Variants in RIMS2 observed in about 807,000 individuals in gnomAD.
RIMS2 encodes the protein regulating synaptic membrane exocytosis protein 2.
Under a neutral mutation model 174.4 loss-of-function variants are expected in RIMS2, and 59 were observed. That is an observed-to-expected ratio of 0.34 (90% CI 0.27 to 0.42). The LOEUF (loss-of-function observed/expected upper bound fraction) is 0.42. Among genes scored for constraint, RIMS2 ranks in the 10% least tolerant of loss-of-function variants. The probability of loss-of-function intolerance (pLI) is 1.00; values close to 1 mark genes in which losing one functional copy is unlikely to be tolerated. For synonymous variants in RIMS2, 606 were observed against 572.5 expected (o/e 1.06, Z -0.84); for missense variants, 1,620 against 1,666.3 (o/e 0.97, Z 0.48).
intron 1 of RIMS2, among the ~76,000 whole-genome samples, chr8:103,627,532 T>A (rs930253953): frequency 6.6e-6 from 1 of 152,202 alleles, no homozygotes; most frequent in African/African-American, 2.4e-5. Context: ...TCTTCACAAT[T>A]TATGTTCAGA....
At chr8:103,639,844 A>G (rs1042559138) in intron 1 of RIMS2, among the ~76,000 whole-genome samples, 1 of 151,950 alleles carries the variant, frequency 6.6e-6, no homozygotes, top group Admixed American at 6.6e-5. Context: ...CTTTTAATAT[A>G]AACTTTGAGT....
At chr8:104,248,891 TTC>T (rs368851079) in intron 21 of RIMS2, 78 bp downstream of exon 27, 34,667 of 554,296 alleles carry the variant, frequency 0.063, 3 homozygotes, top group South Asian at 0.091. Context: ...TCATAGAATC[TTC>T]TCTCTCTCTC....
intron 2 of RIMS2, among the ~76,000 whole-genome samples, chr8:103,701,946 C>T (rs929245815): frequency 1.3e-5 from 2 of 151,988 alleles, no homozygotes; most frequent in South Asian, 2.1e-4. Context: ...TGGGTACATA[C>T]GTGGTAGTGG....
intron 3 of RIMS2, among the ~76,000 whole-genome samples, chr8:103,797,196 AC>A (rs1390334081): frequency 1.3e-5 from 2 of 152,182 alleles, no homozygotes; most frequent in African/African-American, 4.8e-5. Flanking sequence ...TCAAAGCCTA[AC>A]TCAAGTATTC....
intron 16 of RIMS2, chr8:103,976,561 T>C (rs2093455623): frequency 6.7e-6 from 1 of 149,020 alleles, no homozygotes; most frequent in Non-Finnish European, 1.5e-5. Flanking sequence ...TTTTTTTTTT[T>C]TTTTTGAGAC....
chr8:104,234,038 T>C (rs1420024342), intron 19 of RIMS2, among the ~76,000 whole-genome samples: 1 of 152,196 alleles, frequency 6.6e-6, no homozygotes, highest in African/African-American at 2.4e-5. Context: ...TCTGGAGATT[T>C]ATGATAATTT....
intron 19 of RIMS2, among the ~76,000 whole-genome samples, chr8:104,188,460 T>C (rs2098981083): frequency 6.6e-6 from 1 of 151,866 alleles, no homozygotes; most frequent in South Asian, 2.1e-4. Context: ...GTATCCATTA[T>C]ATGCTAGGCT....
At chr8:103,986,518 A>C (rs951980155) in intron 16 of RIMS2, among the ~76,000 whole-genome samples, 1 of 152,240 alleles carries the variant, frequency 6.6e-6, no homozygotes, top group Non-Finnish European at 1.5e-5. Context: ...AAACAACTAC[A>C]GATAAGAAAA....
intron 2 of RIMS2, among the ~76,000 whole-genome samples, chr8:103,707,324 T>G (rs1292337052): frequency 6.6e-6 from 1 of 152,218 alleles, no homozygotes; most frequent in East Asian, 1.9e-4. Flanking sequence ...ATGTTCTTGA[T>G]GCTTGTGTAT....
intron 3 of RIMS2, among the ~76,000 whole-genome samples, chr8:103,780,754 C>T (rs1453769050): frequency 6.6e-6 from 1 of 151,832 alleles, no homozygotes; most frequent in Non-Finnish European, 1.5e-5. Flanking sequence ...CTTGGTTTGT[C>T]CATTTGGAGA....
chr8:103,937,166 G>T (rs576951849), intron 13 of RIMS2, among the ~76,000 whole-genome samples: 1 of 152,032 alleles, frequency 6.6e-6, no homozygotes, highest in African/African-American at 2.4e-5. Flanking sequence ...TATCTGCAAA[G>T]GTAGGCACAA....
At chr8:103,637,976 G>C (rs2096127906) in intron 1 of RIMS2, among the ~76,000 whole-genome samples, 1 of 152,102 alleles carries the variant, frequency 6.6e-6, no homozygotes, top group Non-Finnish European at 1.5e-5. Flanking sequence ...ACGTTCCTCA[G>C]TTTGGGTTTG....
chr8:104,243,772 A>T (rs141306992), intron 19 of RIMS2, among the ~76,000 whole-genome samples: 1 of 152,204 alleles, frequency 6.6e-6, no homozygotes, highest in Non-Finnish European at 1.5e-5. Flanking sequence ...CACAGTGTGG[A>T]TAAATAGTTA....
chr8:103,794,353 A>G (rs945535078), intron 3 of RIMS2, among the ~76,000 whole-genome samples: 5 of 152,224 alleles, frequency 3.3e-5, no homozygotes, highest in African/African-American at 1.2e-4. Flanking sequence ...TATTTAATCA[A>G]TGGTGCTGGG....
At chr8:104,253,254 G>T (rs1466080305), downstream of RIMS2, 1 of 152,056 alleles carries the variant, frequency 6.6e-6, no homozygotes, top group Non-Finnish European at 1.5e-5. Context: ...AGTATTATTT[G>T]TAGAAGGTCT....
chr8:103,971,921 TTAA>T (rs1449137180), intron 15 of RIMS2, among the ~76,000 whole-genome samples: 8 of 152,178 alleles, frequency 5.3e-5, no homozygotes, highest in Non-Finnish European at 2.9e-5. Context: ...TTAAGGTGCA[TTAA>T]TTTTTGCTCT....
chr8:104,004,385 A>C (rs1428392942), intron 17 of RIMS2, among the ~76,000 whole-genome samples: 2 of 152,178 alleles, frequency 1.3e-5, no homozygotes, highest in South Asian at 4.1e-4. Flanking sequence ...GACGAGAGCT[A>C]AAGGAATAGT....
chr8:104,012,849 G>A (rs137884650), intron 17 of RIMS2, among the ~76,000 whole-genome samples: 1 of 152,250 alleles, frequency 6.6e-6, no homozygotes, highest in African/African-American at 2.4e-5. Context: ...CATAGCTAAA[G>A]TGCACCAAGA....
At chr8:103,556,102 G>A (rs1452023755) in intron 1 of RIMS2, among the ~76,000 whole-genome samples, 2 of 152,062 alleles carry the variant, frequency 1.3e-5, no homozygotes, top group Non-Finnish European at 2.9e-5. Context: ...TAGATAGAAT[G>A]AATATGTTCA....
Sources: gnomAD v4.1 joint callset for allele counts (sites outside exome capture counted in the v4.1 genomes callset) on GRCh38, gnomAD v4.1.1 for gene constraint, MANE v1.5 for transcripts, NCBI Gene and HGNC (gene_info 2026-07-23, HGNC 2026-07-21) for gene names.